The following NPR1 variants were observed in gnomAD, a reference collection of about 807,000 sequenced individuals.
NPR1 encodes the protein atrial natriuretic peptide receptor 1.
NPR1 carries 57 observed loss-of-function variants against 116.9 expected under a neutral mutation model. The observed-to-expected ratio is 0.49, with a 90% CI of 0.39 to 0.61. The LOEUF (loss-of-function observed/expected upper bound fraction) is 0.61. NPR1 is among the 20% of genes least tolerant of loss of function. The probability of loss-of-function intolerance (pLI) is 0.00; values close to 1 mark genes in which losing one functional copy is unlikely to be tolerated. For missense variants in NPR1, 1,096 were observed against 1,409.8 expected (o/e 0.78, Z 3.56); for synonymous variants, 555 against 601.6 (o/e 0.92, Z 1.13).
rs1669768672 is a variant in NPR1, at chr1:153,681,181, C to T, written c.923C>T (p.Ala308Val). ...GCTCTCCACTGACCCCTTTCTCAGG[C>T]TGCCAAAATCATTACATATAAAGAC... ...QDVSARQAFQAAKIITYKDPD... is the reference protein window; with the variant it reads ...QDVSARQAFQVAKIITYKDPD... Residue 308 changes from alanine (A) to valine (V), a missense_variant and splice_region_variant, in exon 3 of 22, where the codon GCT becomes GTT. Coordinates refer to ENST00000368680, the MANE Select transcript of NPR1 (RefSeq NM_000906.4). 1 of 1,597,466 alleles carries T rather than the reference C, an allele frequency of 6.3e-7. No homozygotes were observed. The highest frequency in any genetic ancestry group is 8.6e-7 in the Non-Finnish European group (1 of 1,164,818).
intron 1 of NPR1, 46 bp from the exon 2 acceptor site, chr1:153,680,455 C>T (rs1435240056): frequency 1.9e-6 from 3 of 1,587,248 alleles, no homozygotes; most frequent in African/African-American, 1.3e-5. Flanking sequence ...TCCTGTCTCT[C>T]CCGCAGTACC....
chr1:153,684,933 C>T, intron 7 of NPR1, 31 bp from the exon 8 acceptor site: 1 of 1,612,258 alleles, frequency 6.2e-7, no homozygotes, highest in Non-Finnish European at 8.5e-7. Flanking sequence ...GCGGCTCAGC[C>T]ACAGGCTCAG....
At chr1:153,686,464 G>A (rs967882209) in intron 10 of NPR1, among the ~76,000 whole-genome samples, 182 bp from the exon 11 acceptor site, 2 of 150,370 alleles carry the variant, frequency 1.3e-5, no homozygotes, top group Non-Finnish European at 3.0e-5. Flanking sequence ...TGCAGAGGGA[G>A]TAGGAGCAGA....
chr1:153,689,598 G>A lies in NPR1; in HGVS notation c.2757+77G>A. 2.8e-6 allele frequency: 4 copies of A among 1,424,580 alleles called. No individual in the cohort carries two copies. Among genetic ancestry groups the A allele is most frequent in the South Asian group, 1.1e-5 (1 of 87,090 alleles). The allele number at this position is 1,424,580 out of a possible 1,614,324, so 88.2% of individuals were successfully genotyped here. The stretch of plus-strand genomic sequence containing the variant: ...GAAAAAGATGAGGGGTAGGCAGAAT[G>A]ATGTGGAGTCTTAAGAGAGGAGATC... On this transcript the variant is annotated intron_variant, in intron 18 of 21. Transcript: ENST00000368680. This position sits in a 1 kb window ranked among gnomAD's most constrained non-coding sequence, Gnocchi z 5.1.
Position 153,693,566 on chromosome 1 carries a change from A to C in NPR1, c.*152A>C. The C allele has an allele frequency of 1.6e-6, 1 of 642,236 alleles. No homozygotes were observed. Among genetic ancestry groups the C allele is most frequent in the Non-Finnish European group, 2.6e-6 (1 of 382,576 alleles). The allele number at this position is 642,236 out of a possible 1,614,324, so 39.8% of individuals were successfully genotyped here. A position where few individuals can be genotyped will look rare whatever the true frequency, so the allele number is the denominator to read the frequency against. ...GTGCTGACCCCAGTGAAGACACCAG[A>C]TAGGACCTCTGAGAGGGGACTGGCA... On this transcript the variant is annotated 3_prime_UTR_variant, in exon 22 of 22. Coordinates refer to ENST00000368680, the MANE Select transcript of NPR1 (RefSeq NM_000906.4).
rs72446315 is a variant in NPR1 at position 153,678,793 on chromosome 1, TTCTCTC to T, written c.-298_-293del. 1.5e-3 allele frequency: 515 copies of T among 340,720 alleles called. No individual in the cohort carries two copies. Among genetic ancestry groups the T allele is most frequent in the East Asian group, 2.9e-3 (59 of 20,248 alleles). 21.1% of individuals were successfully genotyped at this position (340,720 alleles called of 1,614,324 possible). ...TTCACGAAGCGCTCACTCGCACCCT[TTCTCTC>T]TCTCTCTCTCTCTCTCTAACACGCA... On this transcript the variant is annotated 5_prime_UTR_variant, in exon 1 of 22. Transcript: ENST00000368680. This position sits in a 1 kb window ranked among gnomAD's most constrained non-coding sequence, Gnocchi z 5.8.
At position 153,692,507 on chromosome 1, in the gene NPR1, GA is replaced by G. The variant is rs1459483088; in HGVS notation, c.3032-598del. Among the ~76,000 whole-genome samples the G allele has an allele frequency of 1.1e-4, 13 of 122,992 alleles. 1 individual carries two copies. The South Asian group carries it at 3.1e-3, about 29-fold the overall frequency. 80.7% of individuals were successfully genotyped at this position (122,992 alleles called of 152,430 possible). On this transcript the variant is annotated intron_variant, in intron 20 of 21. Coordinates refer to ENST00000368680, the MANE Select transcript of NPR1 (RefSeq NM_000906.4). ...ATGTGACGGGTGCAACTGAGGCCCTGATTTTTTTTTTTTTTTTTGGAGACAG... is the reference window on the plus strand; with the variant it reads ...ATGTGACGGGTGCAACTGAGGCCCTGTTTTTTTTTTTTTTTTTGGAGACAG...
intron 7 of NPR1, among the ~76,000 whole-genome samples, chr1:153,684,580 C>T (rs1669875864): frequency 6.6e-6 from 1 of 151,832 alleles, no homozygotes; most frequent in Non-Finnish European, 1.5e-5. Flanking sequence ...TTAGTAGAGA[C>T]AGGGTTTCAC....
chr1:153,685,960 G>A, intron 9 of NPR1, 80 bp downstream of exon 9: 1 of 1,468,888 alleles, frequency 6.8e-7, no homozygotes, highest in Non-Finnish European at 9.5e-7. Context: ...GGGGTTCTGA[G>A]GGAAGGAGTA....
rs1386388730 is a variant in NPR1, at chr1:153,689,420, T to A, written c.2689-33T>A. On this transcript the variant is annotated intron_variant, in intron 17 of 21. Transcript: ENST00000368680. This position sits in a 1 kb window ranked among gnomAD's most constrained non-coding sequence, Gnocchi z 5.1. ...CCTGACCCCAGGTGGGGTCCCCTAC[T>A]TCCTGTCTCTCTTAGCTTCTCTTCC... 1.2e-6 allele frequency: 2 copies of A among 1,613,832 alleles called. No individual in the cohort carries two copies. Among genetic ancestry groups the A allele is most frequent in the South Asian group, 2.2e-5 (2 of 91,086 alleles).
At position 153,693,959 on chromosome 1, in the gene NPR1, T is replaced by C. The variant is rs1341772498; in HGVS notation, c.*545T>C. 2.5e-6 allele frequency: 1 copy of C among 396,314 alleles called. No homozygotes were observed. The highest frequency in any genetic ancestry group is 4.4e-6 in the Non-Finnish European group (1 of 225,176). 24.5% of individuals were successfully genotyped at this position (396,314 alleles called of 1,614,324 possible). A position where few individuals can be genotyped will look rare whatever the true frequency, so the allele number is the denominator to read the frequency against. On this transcript the variant is annotated 3_prime_UTR_variant, in exon 22 of 22. Transcript: ENST00000368680. The stretch of plus-strand genomic sequence containing the variant: ...GGGCCTGTATGCCTTGCTTCTACCA[T>C]GAGCAGAGACAATTAAAATCTTTAT...
intron 7 of NPR1, among the ~76,000 whole-genome samples, chr1:153,684,094 C>T (rs536103522): frequency 4.5e-4 from 68 of 152,216 alleles, no homozygotes; most frequent in African/African-American, 1.6e-3. Flanking sequence ...ATCATAGGGG[C>T]GTGGACTGGT....
At chr1:153,692,110 T>C (rs1260684313) in intron 20 of NPR1, among the ~76,000 whole-genome samples, 1 of 152,128 alleles carries the variant, frequency 6.6e-6, no homozygotes, top group African/African-American at 2.4e-5. Context: ...GGGTATAGCA[T>C]GAAATCATGA....
intron 4 of NPR1, among the ~76,000 whole-genome samples, chr1:153,682,062 C>CA: frequency 6.7e-6 from 1 of 148,748 alleles, no homozygotes; most frequent in Non-Finnish European, 1.5e-5. Flanking sequence ...TTTCTTTTTT[C>CA]TTTTTTTTTT....
intron 8 of NPR1, 128 bp downstream of exon 8, chr1:153,685,212 A>G: frequency 8.0e-7 from 1 of 1,250,880 alleles, no homozygotes; most frequent in Non-Finnish European, 1.1e-6. Flanking sequence ...TGTGACCTTG[A>G]GCGACTCATA....
At chr1:153,680,316 G>T (rs892577314) in intron 1 of NPR1, among the ~76,000 whole-genome samples, 185 bp from the exon 2 acceptor site, 1 of 18,868 alleles carries the variant, frequency 5.3e-5, no homozygotes, top group Non-Finnish European at 1.2e-4. Flanking sequence ...CCCCGCACCC[G>T]CCCGTTCCAC....
At position 153,683,471 on chromosome 1, in the gene NPR1, C is replaced by T. The variant is rs148618212; in HGVS notation, c.1359C>T (p.Pro453=). The T allele has an allele frequency of 9.9e-4, 1,604 of 1,614,186 alleles. 7 individuals carry two copies. Among genetic ancestry groups the T allele is most frequent in the Middle Eastern group, 8.6e-3 (52 of 6,062 alleles). ...TGGGGTACCCTCCTCCTGACATCCCCAAATGTGGCTTTGACAACGAAGACC... is the reference window on the plus strand; with the variant it reads ...TGGGGTACCCTCCTCCTGACATCCCTAAATGTGGCTTTGACAACGAAGACC... ...WPLGYPPPDI[P]KCGFDNEDPA... Residue 453 remains proline (P), a synonymous_variant, in exon 6 of 22, where the codon CCC becomes CCT. Coordinates refer to ENST00000368680, the MANE Select transcript of NPR1 (RefSeq NM_000906.4).
intron 4 of NPR1, 108 bp from the exon 5 acceptor site, chr1:153,682,390 T>G (rs183317305): frequency 1.6e-4 from 124 of 765,382 alleles, no homozygotes; most frequent in Non-Finnish European, 2.8e-4. Flanking sequence ...TCTGTATACA[T>G]GTATGTTTGG....
intron 7 of NPR1, 78 bp from the exon 8 acceptor site, chr1:153,684,886 T>C: frequency 6.3e-7 from 1 of 1,582,644 alleles, no homozygotes; most frequent in Non-Finnish European, 8.6e-7. Flanking sequence ...GTCCCACGGC[T>C]CTGAGGAGGG....
Sources: allele counts gnomAD v4.1 joint callset (sites outside exome capture counted in the v4.1 genomes callset), GRCh38; gene constraint gnomAD v4.1.1; non-coding constraint Gnocchi (gnomAD v3.1); transcripts MANE v1.5; gene names NCBI Gene and HGNC (gene_info 2026-07-23, HGNC 2026-07-21).